The following SPON1 variants were observed in gnomAD, a reference collection of about 807,000 sequenced individuals.
SPON1 encodes spondin-1.
In SPON1, 52 loss-of-function variants were observed where a neutral mutation model predicts 111.7. The ratio of observed to expected loss-of-function variants is 0.47; its 90% CI spans 0.37 to 0.59. The LOEUF is 0.59. Ranked by LOEUF, SPON1 falls within the 20% of genes least tolerant of loss-of-function variation. The pLI is 0.00. For synonymous variants in SPON1, 410 were observed against 395.8 expected (o/e 1.04, Z -0.43); for missense variants, 957 against 1,068.5 (o/e 0.90, Z 1.46).
intron 6 of SPON1, among the ~76,000 whole-genome samples, chr11:14,235,421 G>A (rs1367770645): frequency 6.6e-6 from 1 of 152,154 alleles, no homozygotes; most frequent in Non-Finnish European, 1.5e-5. Context: ...GCTCACGCCT[G>A]TAATCCCAAC....
intron 1 of SPON1, among the ~76,000 whole-genome samples, chr11:13,979,112 A>G (rs1554909302): frequency 6.6e-6 from 1 of 152,216 alleles, no homozygotes; most frequent in Non-Finnish European, 1.5e-5. Context: ...AAATCAAGGT[A>G]TCCGACGGTG....
At chr11:14,074,756 AT>A (rs1458632125) in intron 3 of SPON1, among the ~76,000 whole-genome samples, 1 of 152,120 alleles carries the variant, frequency 6.6e-6, no homozygotes, top group Non-Finnish European at 1.5e-5. Context: ...GCCTCAAAAT[AT>A]TTTTTCCAAA....
chr11:14,182,393 C>A (rs1554933767), intron 6 of SPON1, among the ~76,000 whole-genome samples: 1 of 152,078 alleles, frequency 6.6e-6, no homozygotes, highest in Non-Finnish European at 1.5e-5. Flanking sequence ...AACCTTGGCC[C>A]CTTCATCTTT....
chr11:14,209,062 C>G (rs2133900772), intron 6 of SPON1, among the ~76,000 whole-genome samples: 1 of 152,166 alleles, frequency 6.6e-6, no homozygotes, highest in African/African-American at 2.4e-5. Flanking sequence ...TGCATACATT[C>G]TAAGCATCTT....
At chr11:14,137,293 A>G (rs782459642) in intron 6 of SPON1, among the ~76,000 whole-genome samples, 1 of 152,164 alleles carries the variant, frequency 6.6e-6, no homozygotes, top group Non-Finnish European at 1.5e-5. Flanking sequence ...CCTCTTAGGA[A>G]AAAGTTCTTT....
chr11:13,965,326 G>A (rs1554907939), intron 1 of SPON1, among the ~76,000 whole-genome samples: 2 of 152,146 alleles, frequency 1.3e-5, no homozygotes, highest in African/African-American at 4.8e-5. Context: ...GATTTTTTCA[G>A]TGACTTAGAC....
intron 6 of SPON1, among the ~76,000 whole-genome samples, chr11:14,176,330 C>T (rs1848174581): frequency 6.6e-6 from 1 of 152,180 alleles, no homozygotes; most frequent in Non-Finnish European, 1.5e-5. Flanking sequence ...TCCTCCTATT[C>T]TCCGTCTGAG....
intron 1 of SPON1, among the ~76,000 whole-genome samples, chr11:13,973,711 A>G (rs1418381737): frequency 6.6e-6 from 1 of 152,108 alleles, no homozygotes; most frequent in Non-Finnish European, 1.5e-5. Context: ...CCTATTACCA[A>G]TTCATTAATT....
chr11:14,149,921 C>CGGTATT (rs144600856), intron 6 of SPON1, among the ~76,000 whole-genome samples: 2 of 151,718 alleles, frequency 1.3e-5, no homozygotes, highest in Non-Finnish European at 2.9e-5. Context: ...TGAGGCATGA[C>CGGTATT]TGGGAAATCA....
At chr11:14,118,156 C>A (rs558807089) in intron 5 of SPON1, among the ~76,000 whole-genome samples, 1 of 152,138 alleles carries the variant, frequency 6.6e-6, no homozygotes, top group African/African-American at 2.4e-5. Context: ...GTTTACTGCT[C>A]CTGCTAAGCT....
intron 6 of SPON1, among the ~76,000 whole-genome samples, chr11:14,231,630 C>T (rs1030210685): frequency 2.0e-5 from 3 of 152,094 alleles, no homozygotes; most frequent in Non-Finnish European, 2.9e-5. Flanking sequence ...AATATATACA[C>T]ACACAATTTT....
At chr11:14,033,181 G>A (rs923534462) in intron 2 of SPON1, among the ~76,000 whole-genome samples, 1 of 152,198 alleles carries the variant, frequency 6.6e-6, no homozygotes, top group African/African-American at 2.4e-5. Flanking sequence ...CCAAGTTCCT[G>A]TTCTAATTAT....
intron 1 of SPON1, among the ~76,000 whole-genome samples, chr11:13,976,557 T>C (rs564909001): frequency 4.0e-4 from 61 of 152,354 alleles, no homozygotes; most frequent in African/African-American, 1.4e-3. Context: ...TAGGGTTGTG[T>C]ACAACCTTAG....
intron 6 of SPON1, among the ~76,000 whole-genome samples, chr11:14,207,804 A>G (rs1848531814): frequency 6.6e-6 from 1 of 152,216 alleles, no homozygotes; most frequent in Non-Finnish European, 1.5e-5. Flanking sequence ...GCAATTCCTC[A>G]AAGACCTAGA....
chr11:14,128,912 G>A (rs1847495183), intron 5 of SPON1, among the ~76,000 whole-genome samples: 2 of 152,270 alleles, frequency 1.3e-5, no homozygotes, highest in Non-Finnish European at 2.9e-5. Flanking sequence ...AATGGCTCGA[G>A]CTGTACCTTG....
At chr11:14,033,577 G>A (rs895249990) in intron 2 of SPON1, among the ~76,000 whole-genome samples, 6 of 152,166 alleles carry the variant, frequency 3.9e-5, no homozygotes, top group Non-Finnish European at 5.9e-5. Flanking sequence ...GGGAAGAGTA[G>A]GCACCCTCAG....
chr11:14,148,613 T>C (rs1209917910), intron 6 of SPON1, among the ~76,000 whole-genome samples: 1 of 152,182 alleles, frequency 6.6e-6, no homozygotes, highest in Non-Finnish European at 1.5e-5. Flanking sequence ...CACCTGTTAT[T>C]TTAGGTGAGA....
intron 2 of SPON1, among the ~76,000 whole-genome samples, chr11:13,993,333 C>T (rs1554911409): frequency 6.6e-6 from 1 of 151,910 alleles, no homozygotes; most frequent in Admixed American, 6.6e-5. Flanking sequence ...TTGGCACACA[C>T]TAGATGTCAG....
At chr11:14,083,766 T>A (rs1434635571) in intron 5 of SPON1, among the ~76,000 whole-genome samples, 1 of 152,228 alleles carries the variant, frequency 6.6e-6, no homozygotes, top group African/African-American at 2.4e-5. Context: ...AAATTCTGGG[T>A]TTTGCTTGAA....
Sources: allele counts gnomAD v4.1 joint callset (sites outside exome capture counted in the v4.1 genomes callset), GRCh38; gene constraint gnomAD v4.1.1; transcripts MANE v1.5; gene names NCBI Gene and HGNC (gene_info 2026-07-23, HGNC 2026-07-21).